The following TRAM1 variants were observed in gnomAD, a reference collection of about 807,000 sequenced individuals.
TRAM1 encodes the protein translocation associated membrane protein 1, also known as translocating chain-associated membrane protein 1.
Under a neutral mutation model 48.7 loss-of-function variants are expected in TRAM1, and 17 were observed. That is an observed-to-expected ratio of 0.35 (90% CI 0.24 to 0.52). TRAM1 has a LOEUF of 0.52. Ranked by LOEUF, TRAM1 falls within the 20% of genes least tolerant of loss-of-function variation. TRAM1 has a pLI of 0.94. For missense variants in TRAM1, 351 were observed against 441.5 expected, an observed-to-expected ratio of 0.79 and a Z score of 1.84; for synonymous variants, 182 against 154.0, an observed-to-expected ratio of 1.18 and a Z score of -1.34.
At chr8:70,590,916 T>C (rs780106248) in intron 6 of TRAM1, among the ~76,000 whole-genome samples, 3 of 151,944 alleles carry the variant, frequency 2.0e-5, no homozygotes, top group Non-Finnish European at 2.9e-5. Flanking sequence ...AGTAAGAGAA[T>C]GGGTAAATAC....
At chr8:70,607,295 T>A in intron 1 of TRAM1, 1 of 985,444 alleles carries the variant, frequency 1.0e-6, no homozygotes, top group Non-Finnish European at 1.2e-6. Flanking sequence ...CATCCTCTCC[T>A]ACTTCAAGAA....
intron 8 of TRAM1, among the ~76,000 whole-genome samples, chr8:70,585,485 G>A (rs1358171051): frequency 6.6e-6 from 1 of 150,830 alleles, no homozygotes; most frequent in Non-Finnish European, 1.5e-5. Flanking sequence ...AGAGTGAACA[G>A]GCAACCTACA....
intron 1 of TRAM1, chr8:70,607,859 A>G: frequency 4.7e-6 from 2 of 426,858 alleles, no homozygotes; most frequent in Non-Finnish European, 7.7e-6. Context: ...GGCCGCGATG[A>G]GGCCCACCGG....
rs531144110 is a variant in TRAM1 at position 70,600,877 on chromosome 8, TG to T, written c.124-796del. On this transcript the variant is annotated intron_variant, in intron 1 of 10. Transcript: ENST00000262213. The stretch of plus-strand genomic sequence containing the variant: ...TGTTCCCTAGGTTCACAAAGGGGGA[TG>T]AAGAGGACAGTACAGATAGAAGAAA... 1.8e-3 allele frequency among the ~76,000 whole-genome samples: 276 copies of T among 152,148 alleles called. 1 individual carries two copies. Among genetic ancestry groups the T allele is most frequent in the Non-Finnish European group, 3.1e-3 (213 of 67,996 alleles).
intron 4 of TRAM1, among the ~76,000 whole-genome samples, chr8:70,597,668 C>CAAAAAAAA (rs35449323): frequency 8.3e-5 from 3 of 35,998 alleles, no homozygotes; most frequent in Non-Finnish European, 9.4e-5. Context: ...GACTCTGTCT[C>CAAAAAAAA]AAAAAAAAAA....
In TRAM1 at chr8:70,598,304, A is replaced by C. The variant is rs778124602; in HGVS notation, c.188-49T>G. On this transcript the variant is annotated intron_variant, in intron 2 of 10. Transcript: ENST00000262213. ...TACACAAAAATATACACAAGGTTATAAAAACAGCATTAAGTACAACATAGT... is the reference window on the plus strand; with the variant it reads ...TACACAAAAATATACACAAGGTTATCAAAACAGCATTAAGTACAACATAGT... 1.9e-6 allele frequency: 3 copies of C among 1,547,050 alleles called. 1 individual carries two copies. The South Asian group carries it at 3.7e-5, about 19-fold the overall frequency.
At chr8:70,580,018 T>C (rs1043314309) in intron 10 of TRAM1, among the ~76,000 whole-genome samples, 7 of 152,162 alleles carry the variant, frequency 4.6e-5, no homozygotes, top group African/African-American at 1.7e-4. Context: ...AAAGAGCATG[T>C]ACATTAGCTT....
intron 1 of TRAM1, among the ~76,000 whole-genome samples, chr8:70,600,398 T>C (rs1817582627): frequency 6.6e-6 from 1 of 152,176 alleles, no homozygotes. Flanking sequence ...ATACAATGAA[T>C]AAAAAGTTCC....
chr8:70,605,613 G>A (rs1817702245), intron 1 of TRAM1, among the ~76,000 whole-genome samples: 1 of 152,148 alleles, frequency 6.6e-6, no homozygotes. Context: ...AGATTCAGCA[G>A]CAATTGTTTT....
intron 5 of TRAM1, 49 bp downstream of exon 5, chr8:70,596,214 G>T (rs759801239): frequency 2.1e-6 from 3 of 1,423,238 alleles, no homozygotes; most frequent in Non-Finnish European, 2.8e-6. Flanking sequence ...GATTAATAGT[G>T]ACATGACCAT....
Position 70,589,498 on chromosome 8 carries a change from C to T in TRAM1, c.571-2322G>A, listed in dbSNP as rs144183873. ...GTGTGGTGTGTACATTGGTACTGAA[C>T]AAAATGATTGCAGACAGTACACAAT... On this transcript the variant is annotated intron_variant, in intron 6 of 10. Coordinates refer to ENST00000262213, the MANE Select transcript of TRAM1 (RefSeq NM_014294.6). Among the ~76,000 whole-genome samples, 209 of 152,242 alleles carry T rather than the reference C, an allele frequency of 1.4e-3. 1 individual carries two copies. Among genetic ancestry groups the T allele is most frequent in the African/African-American group, 4.6e-3 (193 of 41,530 alleles).
intron 6 of TRAM1, among the ~76,000 whole-genome samples, chr8:70,590,395 A>C (rs1251813989): frequency 1.3e-5 from 2 of 152,246 alleles, no homozygotes; most frequent in Non-Finnish European, 2.9e-5. Flanking sequence ...CAACCCAATT[A>C]GGTGGAGCGC....
At chr8:70,575,495 T>C (rs1816927480) in intron 10 of TRAM1, among the ~76,000 whole-genome samples, 1 of 152,076 alleles carries the variant, frequency 6.6e-6, no homozygotes, top group African/African-American at 2.4e-5. Context: ...CATGGCTCAA[T>C]GCAGTCTTGA....
At chr8:70,592,305 C>G (rs539161731) in intron 6 of TRAM1, among the ~76,000 whole-genome samples, 34 of 152,244 alleles carry the variant, frequency 2.2e-4, no homozygotes, top group African/African-American at 8.2e-4. Flanking sequence ...GCGTTCCTTT[C>G]TTTCCTATTT....
chr8:70,595,721 T>C (rs550940360), intron 5 of TRAM1, among the ~76,000 whole-genome samples: 2 of 152,100 alleles, frequency 1.3e-5, no homozygotes, highest in South Asian at 2.1e-4. Context: ...AAAAGACCAA[T>C]ACAGGCTAAA....
chr8:70,594,601 C>A lies in TRAM1; in HGVS notation c.486-11G>T. On this transcript the variant is annotated splice_polypyrimidine_tract_variant and intron_variant, in intron 5 of 10. Transcript: ENST00000262213. ...AACTTCATTTGAAATCTGTACAACA[C>A]AAGAAAATGAAGAGTACCTTTTAAA... The A allele has an allele frequency of 6.4e-7, 1 of 1,565,078 alleles. No homozygotes were observed. The highest frequency in any genetic ancestry group is 8.6e-7 in the Non-Finnish European group (1 of 1,159,296).
chr8:70,594,407 G>C, intron 6 of TRAM1, 99 bp downstream of exon 6: 1 of 814,874 alleles, frequency 1.2e-6, no homozygotes, highest in South Asian at 2.1e-5. Flanking sequence ...AAGAAGAATG[G>C]AGGAAGGGCA....
In TRAM1 at chr8:70,608,405, G is replaced by A; in HGVS notation, c.-206C>T. 2 of 459,530 alleles carry A rather than the reference G, an allele frequency of 4.4e-6. No individual in the cohort carries two copies. Among genetic ancestry groups the A allele is most frequent in the Non-Finnish European group, 7.1e-6 (2 of 279,756 alleles). The allele number at this position is 459,530 out of a possible 1,614,324, so 28.5% of individuals were successfully genotyped here. A position where few individuals can be genotyped will look rare whatever the true frequency, so the allele number is the denominator to read the frequency against. ...AAAAACACAACAGCTAGCCCGCAGC[G>A]GGGGCGAGCATGCGCACCAGGGAGA... is the stretch of plus-strand genomic sequence containing the variant. On this transcript the variant is annotated 5_prime_UTR_variant, in exon 1 of 11. Coordinates refer to ENST00000262213, the MANE Select transcript of TRAM1 (RefSeq NM_014294.6).
At chr8:70,604,816 A>G (rs902980315) in intron 1 of TRAM1, among the ~76,000 whole-genome samples, 6 of 152,142 alleles carry the variant, frequency 3.9e-5, no homozygotes, top group African/African-American at 1.4e-4. Context: ...CTTAAAAGAA[A>G]TACTTCTCTT....
Sources: allele counts gnomAD v4.1 joint callset (sites outside exome capture counted in the v4.1 genomes callset), GRCh38; gene constraint gnomAD v4.1.1; transcripts MANE v1.5; gene names NCBI Gene and HGNC (gene_info 2026-07-23, HGNC 2026-07-21).